The following TTYH3 variants were observed in gnomAD, a reference collection of about 807,000 sequenced individuals.
The protein encoded by TTYH3 is tweety family member 3.
Under a neutral mutation model 68.2 loss-of-function variants are expected in TTYH3, and 23 were observed. The ratio of observed to expected loss-of-function variants is 0.34; its 90% CI spans 0.24 to 0.48. The LOEUF is 0.48. Among genes scored for constraint, TTYH3 ranks in the 20% least tolerant of loss-of-function variants. TTYH3 has a pLI of 0.99. For synonymous variants in TTYH3, 360 were observed against 332.8 expected (o/e 1.08, Z -0.89); for missense variants, 768 against 727.7 (o/e 1.06, Z -0.64).
Position 2,650,211 on chromosome 7 carries a change from G to T in TTYH3, c.871+223G>T, listed in dbSNP as rs1786129405. ...ATGTGGGGTGGCGGGTGCCCGCGTG[G>T]CAGGGGGAGCGGCAGGTGACCCAGG... On this transcript the variant is annotated intron_variant, in intron 7 of 13. Transcript: ENST00000258796. 2.0e-5 allele frequency among the ~76,000 whole-genome samples: 3 copies of T among 152,224 alleles called. No homozygotes were observed. In the South Asian group the frequency reaches 6.2e-4, roughly 31 times the overall value.
chr7:2,635,069 C>T (rs1174410298), intron 1 of TTYH3, among the ~76,000 whole-genome samples: 1 of 152,156 alleles, frequency 6.6e-6, no homozygotes, highest in African/African-American at 2.4e-5. Flanking sequence ...TCCCGTGCTG[C>T]CTGAGCATCT....
intron 12 of TTYH3, 137 bp downstream of exon 12, chr7:2,658,596 C>T: frequency 1.9e-6 from 2 of 1,076,810 alleles, no homozygotes; most frequent in South Asian, 1.6e-5. Flanking sequence ...GCCTTGAGTG[C>T]CTCCTGCCCC....
At position 2,652,929 on chromosome 7, in the gene TTYH3, C is replaced by T. The variant is rs1786228288; in HGVS notation, c.939C>T (p.Gly313=). The part of the protein sequence containing the change: ...AANPFQQKLS[G]SHKALVEMQD... ...CCTCTCTGGAGCAGAAGCTGTCGGG[C>T]AGCCACAAGGCACTGGTGGAGATGC... The change falls in exon 9 of 14, where the codon GGC becomes GGT. Residue 313 remains glycine, a synonymous_variant. Transcript: ENST00000258796. The T allele has an allele frequency of 6.4e-7, 1 of 1,568,808 alleles. No homozygotes were observed. The highest frequency in any genetic ancestry group is 2.3e-5 in the East Asian group (1 of 43,354).
rs1375897258 is a variant in TTYH3, at chr7:2,644,855, G to A, written c.124-1998G>A. Among the ~76,000 whole-genome samples, 5 of 152,186 alleles carry A rather than the reference G, an allele frequency of 3.3e-5. No homozygotes were observed. The South Asian group carries it at 6.2e-4, about 19-fold the overall frequency. ...GCCGGCTTCCTGGAGGGCAGGACAC[G>A]GCATCCTCCCACTGCCTGGCAACCG... On this transcript the variant is annotated intron_variant, in intron 1 of 13. Coordinates refer to ENST00000258796, the MANE Select transcript of TTYH3 (RefSeq NM_025250.3).
intron 1 of TTYH3, among the ~76,000 whole-genome samples, chr7:2,636,652 G>A (rs913703692): frequency 6.6e-6 from 1 of 152,026 alleles, no homozygotes; most frequent in African/African-American, 2.4e-5. Context: ...CCCTGCATTG[G>A]GGGGTGGAGG....
chr7:2,648,287 A>G (rs572159179), intron 5 of TTYH3: 181 of 532,510 alleles, frequency 3.4e-4, no homozygotes, highest in Non-Finnish European at 3.4e-4. Flanking sequence ...ATTTCCTGCA[A>G]GAGTCTGCAC....
intron 1 of TTYH3, among the ~76,000 whole-genome samples, chr7:2,636,198 G>A (rs1105419): frequency 0.32 from 49,102 of 152,150 alleles, 8,105 homozygotes; most frequent in East Asian, 0.45. Context: ...GCAGCCTGGG[G>A]GGCAGTTCCC....
In TTYH3 at chr7:2,663,007, C is replaced by T. The variant is rs1021427602; in HGVS notation, c.*1268C>T. The T allele has an allele frequency of 6.6e-6, 1 of 152,298 alleles. No individual in the cohort carries two copies. The highest frequency in any genetic ancestry group is 2.4e-5 in the African/African-American group (1 of 41,470). 9.4% of individuals were successfully genotyped at this position (152,298 alleles called of 1,614,324 possible). A position where few individuals can be genotyped will look rare whatever the true frequency, so the allele number is the denominator to read the frequency against. ...AGGTCCCTGTGGCCTCGGTCTCCTC[C>T]CCATGAAGTGGGAGCGAGGCTCCCC... On this transcript the variant is annotated 3_prime_UTR_variant, in exon 14 of 14. Coordinates refer to ENST00000258796, the MANE Select transcript of TTYH3 (RefSeq NM_025250.3).
chr7:2,643,354 CAAA>C (rs34320575), intron 1 of TTYH3, among the ~76,000 whole-genome samples: 4 of 100,568 alleles, frequency 4.0e-5, no homozygotes, highest in Admixed American at 1.0e-4. Context: ...GACTCTGTCT[CAAA>C]AAAAAAAAAA....
In TTYH3 at chr7:2,649,839, C is replaced by T. The variant is rs578101381; in HGVS notation, c.796-74C>T. 287 of 1,552,574 alleles carry T rather than the reference C, an allele frequency of 1.8e-4. No individual in the cohort carries two copies. The African/African-American group carries it at 2.8e-3, about 15-fold the overall frequency. ...TGAGTTGAAAGCAGACTCCAGGGGA[C>T]GGGTTCTACCCCCGAGAGCTTCCCT... On this transcript the variant is annotated intron_variant, in intron 6 of 13. Transcript: ENST00000258796.
Position 2,658,470 on chromosome 7 carries a change from G to C in TTYH3, c.1424+11G>C. 2 of 1,596,752 alleles carry C rather than the reference G, an allele frequency of 1.3e-6. No individual in the cohort carries two copies. The highest frequency in any genetic ancestry group is 1.7e-6 in the Non-Finnish European group (2 of 1,167,766). On this transcript the variant is annotated intron_variant, in intron 12 of 13. Transcript: ENST00000258796. ...GGTCACTGAGTACATGTGAGTTGAC[G>C]TGGGCCTAGTGGGGCCAGCGGACAC... is the stretch of plus-strand genomic sequence containing the variant.
At chr7:2,641,730 T>G (rs1342620878) in intron 1 of TTYH3, among the ~76,000 whole-genome samples, 1 of 152,196 alleles carries the variant, frequency 6.6e-6, no homozygotes, top group South Asian at 2.1e-4. Context: ...GCTGGCCCGG[T>G]GCCCCGCAGG....
At chr7:2,638,049 G>T (rs1021281388) in intron 1 of TTYH3, among the ~76,000 whole-genome samples, 6 of 152,194 alleles carry the variant, frequency 3.9e-5, no homozygotes, top group African/African-American at 7.2e-5. Flanking sequence ...CATCGTGGAA[G>T]AGCACTCCTG....
At chr7:2,635,244 C>G (rs1476857251) in intron 1 of TTYH3, among the ~76,000 whole-genome samples, 8 of 152,180 alleles carry the variant, frequency 5.3e-5, no homozygotes, top group African/African-American at 1.7e-4. Context: ...TCAAGTGGGT[C>G]TGGCTGTCCT....
chr7:2,636,842 C>T (rs1325396031), intron 1 of TTYH3, among the ~76,000 whole-genome samples: 10 of 152,120 alleles, frequency 6.6e-5, no homozygotes, highest in African/African-American at 2.4e-4. Flanking sequence ...GGCCGCTGCC[C>T]GCATCAAGGG....
In TTYH3 at chr7:2,650,444, C is replaced by T. The variant is rs562445194; in HGVS notation, c.871+456C>T. ...AATACACAAATGAGCTGGGTGTGGTCGTGGGTGCCTGTAATCCCAGCTACT... is the reference window on the plus strand; with the variant it reads ...AATACACAAATGAGCTGGGTGTGGTTGTGGGTGCCTGTAATCCCAGCTACT... On this transcript the variant is annotated intron_variant, in intron 7 of 13. Transcript: ENST00000258796. Among the ~76,000 whole-genome samples the T allele has an allele frequency of 5.9e-5, 9 of 152,086 alleles. No homozygotes were observed. The East Asian group carries it at 1.2e-3, about 20-fold the overall frequency.
rs1786515403 is a variant in TTYH3, at chr7:2,662,148, C to G, written c.*409C>G. 1.1e-5 allele frequency: 4 copies of G among 372,382 alleles called. No homozygotes were observed. The highest frequency in any genetic ancestry group is 9.5e-5 in the South Asian group (4 of 42,012). The allele number at this position is 372,382 out of a possible 1,614,324, so 23.1% of individuals were successfully genotyped here. ...ACCCCTTCTTAGTTCACAGGCACGG[C>G]TGGGGCCGCTCTGTGCTGGCGCCTG... On this transcript the variant is annotated 3_prime_UTR_variant, in exon 14 of 14. Transcript: ENST00000258796.
chr7:2,659,733 C>T (rs576133489), intron 13 of TTYH3, among the ~76,000 whole-genome samples: 37 of 152,220 alleles, frequency 2.4e-4, no homozygotes, highest in African/African-American at 8.9e-4. Context: ...TCATGGTCCC[C>T]TGTAGCACAG....
At chr7:2,656,212 A>G (rs767764030) in intron 10 of TTYH3, 28 bp downstream of exon 10, 18 of 1,556,468 alleles carry the variant, frequency 1.2e-5, no homozygotes, top group Non-Finnish European at 4.4e-6. Flanking sequence ...GGACAGGGCC[A>G]TGGCAGCTTG....
Sources: gnomAD v4.1 joint callset for allele counts (sites outside exome capture counted in the v4.1 genomes callset) on GRCh38, gnomAD v4.1.1 for gene constraint, MANE v1.5 for transcripts, NCBI Gene and HGNC (gene_info 2026-07-23, HGNC 2026-07-21) for gene names.